Variants in TRMT1 observed in about 807,000 individuals in gnomAD.
The protein encoded by TRMT1 is tRNA (guanine(26)-N(2))-dimethyltransferase.
In TRMT1, 63 loss-of-function variants were observed where a neutral mutation model predicts 75.4. That is an observed-to-expected ratio of 0.84 (90% CI 0.68 to 1.03). The LOEUF (loss-of-function observed/expected upper bound fraction) is 1.03. Ranked by LOEUF, TRMT1 falls within the 50% of genes least tolerant of loss-of-function variation. The pLI, the probability that TRMT1 is intolerant of heterozygous loss-of-function variation, is 0.00. For synonymous variants in TRMT1, 382 were observed against 358.1 expected, an observed-to-expected ratio of 1.07 and a Z score of -0.75; for missense variants, 870 against 905.3, an observed-to-expected ratio of 0.96 and a Z score of 0.50.
intron 5 of TRMT1, among the ~76,000 whole-genome samples, chr19:13,113,774 T>A (rs1338602476): frequency 6.6e-6 from 1 of 151,604 alleles, no homozygotes; most frequent in East Asian, 2.0e-4. Context: ...CATGCCTGGC[T>A]AATTTTTATA....
rs751950470 is a variant in TRMT1, at chr19:13,115,778, C to T, written c.311-10G>A. 19 of 1,613,890 alleles carry T rather than the reference C, an allele frequency of 1.2e-5. No homozygotes were observed. The Admixed American group carries it at 3.2e-4, about 27-fold the overall frequency. ...TCTCCTGGAACCTTGACTGCAGCCA[C>T]CCAGAGGCACAAGTCAGAGAATAAC... On this transcript the variant is annotated splice_polypyrimidine_tract_variant and intron_variant, in intron 3 of 16. Transcript: ENST00000357720.
intron 14 of TRMT1, 113 bp from the exon 15 acceptor site, chr19:13,105,719 G>A (rs939543867): frequency 1.8e-6 from 2 of 1,091,594 alleles, no homozygotes; most frequent in African/African-American, 3.2e-5. Context: ...GTCTGCTCAT[G>A]TCAGGATTCT....
In TRMT1 at chr19:13,105,691, C is replaced by T. The variant is rs1045520489; in HGVS notation, c.1584-85G>A. The stretch of plus-strand genomic sequence containing the variant: ...ACTCCCCACAGGGCCTGTCCGCCTC[C>T]ACAACACAGCACGAGGTGTCTGCTC... On this transcript the variant is annotated intron_variant, in intron 14 of 16. Coordinates refer to ENST00000357720, the MANE Select transcript of TRMT1 (RefSeq NM_001136035.4). 5.5e-6 allele frequency: 7 copies of T among 1,282,284 alleles called. No individual in the cohort carries two copies. In the African/African-American group the frequency reaches 5.9e-5, roughly 11 times the overall value. 79.4% of individuals were successfully genotyped at this position (1,282,284 alleles called of 1,614,324 possible).
rs1032370430 is a variant in TRMT1, at chr19:13,110,421, A to C, written c.871-115T>G. On this transcript the variant is annotated intron_variant, in intron 7 of 16. Transcript: ENST00000357720. ...GGCCAGCTCCCTGGGATCCAAGCCCACCCCTGAAAGTCCTGGCTGTGGGAC... is the reference window on the plus strand; with the variant it reads ...GGCCAGCTCCCTGGGATCCAAGCCCCCCCCTGAAAGTCCTGGCTGTGGGAC... 7 of 1,279,144 alleles carry C rather than the reference A, an allele frequency of 5.5e-6. No homozygotes were observed. The East Asian group carries it at 1.8e-4, about 33-fold the overall frequency. 79.2% of individuals were successfully genotyped at this position (1,279,144 alleles called of 1,614,324 possible). A position where few individuals can be genotyped will look rare whatever the true frequency, so the allele number is the denominator to read the frequency against.
Position 13,116,054 on chromosome 19 carries a change from TGGTGGG to T in TRMT1, c.255-8_255-3del. On this transcript the variant is annotated splice_polypyrimidine_tract_variant and splice_region_variant and intron_variant, in intron 2 of 16. Transcript: ENST00000357720. ...GCAAACTCGGTGATCACAGCACATC[TGGTGGG>T]AGACAGAGGACTAGCTCATACCCCG... 1 of 1,614,034 alleles carries T rather than the reference TGGTGGG, an allele frequency of 6.2e-7. No individual in the cohort carries two copies. Among genetic ancestry groups the T allele is most frequent in the South Asian group, 1.1e-5 (1 of 91,084 alleles).
chr19:13,105,360 GC>G lies in TRMT1; in HGVS notation c.1739del (p.Arg580ProfsTer79). On this transcript the variant is annotated frameshift_variant, in exon 16 of 17. Coordinates refer to ENST00000357720, the MANE Select transcript of TRMT1 (RefSeq NM_001136035.4). LOFTEE classifies it high-confidence loss of function. Reference sequence around the variant, plus strand: ...CCTTCCGCTTGTTCTGAAGCAGCCTGCGTCTCTCCTCCATAGCTTCGTCGGC... The same window carrying G: ...CCTTCCGCTTGTTCTGAAGCAGCCTGGTCTCTCCTCCATAGCTTCGTCGGC... The part of the protein sequence containing the change: ...KAADEAMEER[R>X]RLLQNKRKEP... 1 of 1,613,916 alleles carries G rather than the reference GC, an allele frequency of 6.2e-7. No homozygotes were observed. Among genetic ancestry groups the G allele is most frequent in the Non-Finnish European group, 8.5e-7 (1 of 1,180,028 alleles).
At chr19:13,106,764 G>A (rs1269052173) in intron 14 of TRMT1, among the ~76,000 whole-genome samples, 1 of 151,536 alleles carries the variant, frequency 6.6e-6, no homozygotes, top group Non-Finnish European at 1.5e-5. Context: ...TGGGATTACA[G>A]GTGTGAGCCA....
At position 13,105,487 on chromosome 19, in the gene TRMT1, C is replaced by T. The variant is rs966790141; in HGVS notation, c.1703G>A (p.Gly568Glu). The T allele has an allele frequency of 1.9e-6, 3 of 1,613,928 alleles. No homozygotes were observed. The highest frequency in any genetic ancestry group is 2.7e-5 in the African/African-American group (2 of 74,942). Residue 568 changes from glycine to glutamate, a missense_variant and splice_region_variant, in exon 15 of 17, where the codon GGG (glycine) becomes GAG (glutamate). Transcript: ENST00000357720. ...NWGPRPRARP[G>E]GKAADEAMEE... ...CCACCCCCACCTTACCACCACTCAC[C>T]CTGGCCGGGCACGAGGCCGGGGACC...
Position 13,116,738 on chromosome 19 carries a change from G to C in TRMT1, c.-118C>G, listed in dbSNP as rs2019382560. Reference sequence around the variant, plus strand: ...TGGGCGCCGCCATGTTGGCACAGTGGGTGGGCGAATCACATGATAGTGGTT... The same window carrying C: ...TGGGCGCCGCCATGTTGGCACAGTGCGTGGGCGAATCACATGATAGTGGTT... On this transcript the variant is annotated 5_prime_UTR_variant, in exon 1 of 17. Transcript: ENST00000357720. The C allele has an allele frequency of 6.0e-6, 2 of 330,852 alleles. No homozygotes were observed. Among genetic ancestry groups the C allele is most frequent in the East Asian group, 6.0e-5 (1 of 16,550 alleles). The allele number at this position is 330,852 out of a possible 1,614,324, so 20.5% of individuals were successfully genotyped here. A position where few individuals can be genotyped will look rare whatever the true frequency, so the allele number is the denominator to read the frequency against.
intron 5 of TRMT1, 84 bp downstream of exon 5, chr19:13,115,195 G>A (rs937682739): frequency 7.0e-7 from 1 of 1,437,802 alleles, no homozygotes; most frequent in African/African-American, 1.4e-5. Flanking sequence ...CTCACTCAAG[G>A]TCACAGAGTG....
At position 13,112,929 on chromosome 19, in the gene TRMT1, G is replaced by A. The variant is rs754750596; in HGVS notation, c.724C>T (p.Leu242=). ...CTCACAGCCTGCACAGCTGCATCCA[G>A]GAAGGTGGCTGGGCTGCCATAGGGG... ...LDPYGSPATF[L]DAAVQAVSEG... Residue 242 remains leucine, a synonymous_variant, in exon 6 of 17, where the codon CTG becomes TTG. Transcript: ENST00000357720. 45 of 1,613,708 alleles carry A rather than the reference G, an allele frequency of 2.8e-5. No homozygotes were observed. In the East Asian group the frequency reaches 9.1e-4, roughly 33 times the overall value.
intron 4 of TRMT1, 29 bp from the exon 5 acceptor site, chr19:13,115,495 A>C (rs1568375085): frequency 4.4e-6 from 7 of 1,604,170 alleles, no homozygotes; most frequent in Non-Finnish European, 2.6e-6. Flanking sequence ...AACCTCCCTC[A>C]CATCTCCACC....
At position 13,110,190 on chromosome 19, in the gene TRMT1, G is replaced by T. The variant is rs2019084783; in HGVS notation, c.987C>A (p.Phe329Leu). Reference sequence around the variant, plus strand: ...AGGCCTTGACCTTGGCCTGGCCGGTGAAGACACGGACAAAAACACGCACGT... The same window carrying T: ...AGGCCTTGACCTTGGCCTGGCCGGTTAAGACACGGACAAAAACACGCACGT... ...DFYVRVFVRVFTGQAKVKASA... is the reference protein window; with the variant it reads ...DFYVRVFVRVLTGQAKVKASA... The change falls in exon 8 of 17, where the codon TTC becomes TTA. Residue 329 changes from phenylalanine to leucine, a missense_variant. By Grantham distance (22) the Phe-to-Leu change is conservative. Coordinates refer to ENST00000357720, the MANE Select transcript of TRMT1 (RefSeq NM_001136035.4). 1 of 1,612,314 alleles carries T rather than the reference G, an allele frequency of 6.2e-7. No individual in the cohort carries two copies. Among genetic ancestry groups the T allele is most frequent in the Non-Finnish European group, 8.5e-7 (1 of 1,180,028 alleles).
rs2019382050 is a variant in TRMT1 at position 13,116,731 on chromosome 19, C to T, written c.-111G>A. ...TAGGACCTGGGCGCCGCCATGTTGG[C>T]ACAGTGGGTGGGCGAATCACATGAT... On this transcript the variant is annotated 5_prime_UTR_variant, in exon 1 of 17. Transcript: ENST00000357720. 2.9e-6 allele frequency: 1 copy of T among 344,186 alleles called. No individual in the cohort carries two copies. The highest frequency in any genetic ancestry group is 5.7e-5 in the East Asian group (1 of 17,672). The allele number at this position is 344,186 out of a possible 1,614,324, so 21.3% of individuals were successfully genotyped here.
chr19:13,115,739 T>C lies in TRMT1; in HGVS notation c.340A>G (p.Lys114Glu), dbSNP rs1293149489. ...IKVPGEKDTQ[K>E]VVVDLSEQEE... Reference sequence around the variant, plus strand: ...TGCTCTGACAAGTCCACGACCACTTTTTGCGTGTCCTTCTCTCCTGGAACC... The same window carrying C: ...TGCTCTGACAAGTCCACGACCACTTCTTGCGTGTCCTTCTCTCCTGGAACC... Residue 114 changes from lysine (K) to glutamate (E), a missense_variant, in exon 4 of 17, where the codon AAA (lysine) becomes GAA (glutamate). Transcript: ENST00000357720. The C allele has an allele frequency of 6.2e-7, 1 of 1,614,080 alleles. No individual in the cohort carries two copies. Among genetic ancestry groups the C allele is most frequent in the Admixed American group, 1.7e-5 (1 of 60,026 alleles).
chr19:13,115,699 A>T lies in TRMT1; in HGVS notation c.380T>A (p.Val127Asp). Residue 127 changes from valine to aspartate, a missense_variant, in exon 4 of 17, where the codon GTT becomes GAT. By Grantham distance (152) the Val-to-Asp change is radical. Transcript: ENST00000357720. The part of the protein sequence containing the change: ...VDLSEQEEEK[V>D]ELKESENLAS... The stretch of plus-strand genomic sequence containing the variant: ...CAGGTTTTCACTCTCTTTCAGTTCA[A>T]CCTTTTCCTCCTCTTGCTCTGACAA... The T allele has an allele frequency of 6.2e-7, 1 of 1,613,806 alleles. No homozygotes were observed.
intron 5 of TRMT1, among the ~76,000 whole-genome samples, 200 bp downstream of exon 5, chr19:13,115,079 A>T (rs1404567719): frequency 6.6e-6 from 1 of 152,240 alleles, no homozygotes; most frequent in Admixed American, 6.5e-5. Flanking sequence ...TCTGGCACAG[A>T]GTATGGATCA....
At chr19:13,113,128 C>T (rs2019208109) in intron 5 of TRMT1, 117 bp from the exon 6 acceptor site, 2 of 555,814 alleles carry the variant, frequency 3.6e-6, no homozygotes, top group Non-Finnish European at 3.0e-6. Flanking sequence ...GCCAGATTCC[C>T]AAGTTCAAGT....
intron 4 of TRMT1, 37 bp downstream of exon 4, chr19:13,115,589 A>C (rs753023312): frequency 6.2e-7 from 1 of 1,611,612 alleles, no homozygotes; most frequent in African/African-American, 1.3e-5. Context: ...TCTCCCGCTA[A>C]ATTCCAGGGC....
Sources: allele counts gnomAD v4.1 joint callset (sites outside exome capture counted in the v4.1 genomes callset), GRCh38; gene constraint gnomAD v4.1.1; transcripts MANE v1.5; gene names NCBI Gene and HGNC (gene_info 2026-07-23, HGNC 2026-07-21).